The following FMN1 variants were observed in gnomAD, a reference collection of about 807,000 sequenced individuals.
FMN1 encodes formin-1.
In FMN1, 110 loss-of-function variants were observed where a neutral mutation model predicts 132.4. The ratio of observed to expected loss-of-function variants is 0.83; its 90% CI spans 0.71 to 0.97. The LOEUF (loss-of-function observed/expected upper bound fraction) is 0.97, where lower values mean the gene tolerates loss of function less well. FMN1 is among the 50% of genes least tolerant of loss of function. The pLI is 0.00. For missense variants in FMN1, 1,792 were observed against 1,705.3 expected (o/e 1.05, Z -0.90); for synonymous variants, 722 against 651.7 (o/e 1.11, Z -1.64).
At chr15:33,054,770 T>G (rs779105534) in intron 6 of FMN1, among the ~76,000 whole-genome samples, 67 of 152,030 alleles carry the variant, frequency 4.4e-4, no homozygotes, top group Non-Finnish European at 8.7e-4. Context: ...TTTCCAACAG[T>G]TTTTGGTGAA....
chr15:32,939,119 C>T (rs965900664), intron 9 of FMN1, among the ~76,000 whole-genome samples: 5 of 152,352 alleles, frequency 3.3e-5, no homozygotes, highest in African/African-American at 9.6e-5. Flanking sequence ...TATTGCAATA[C>T]TGTAAACCTT....
At chr15:32,798,663 GA>G in intron 19 of FMN1, 140 bp downstream of exon 19, 1 of 703,748 alleles carries the variant, frequency 1.4e-6, no homozygotes, top group Non-Finnish European at 2.2e-6. Context: ...TACGATCCCT[GA>G]GGCAAAAAGT....
At chr15:33,046,284 A>T (rs2036679962) in intron 6 of FMN1, among the ~76,000 whole-genome samples, 1 of 152,180 alleles carries the variant, frequency 6.6e-6, no homozygotes. Flanking sequence ...GCAAAATGTT[A>T]ATAAAGATAA....
At chr15:32,797,684 A>G (rs1205910574) in intron 19 of FMN1, among the ~76,000 whole-genome samples, 2 of 152,162 alleles carry the variant, frequency 1.3e-5, no homozygotes, top group African/African-American at 4.8e-5. Flanking sequence ...AGATGTGTTG[A>G]TAAACACATC....
chr15:33,093,420 C>T (rs755355551), intron 4 of FMN1, among the ~76,000 whole-genome samples: 15 of 152,200 alleles, frequency 9.9e-5, no homozygotes, highest in Non-Finnish European at 1.5e-4. Context: ...GAAAGTGACA[C>T]TGCTAAGTGC....
chr15:33,037,137 AAATT>A (rs2036227034), intron 6 of FMN1, among the ~76,000 whole-genome samples: 1 of 152,238 alleles, frequency 6.6e-6, no homozygotes, highest in Non-Finnish European at 1.5e-5. Flanking sequence ...CAAATAAAAT[AAATT>A]AACAGAACTC....
chr15:32,823,216 C>T (rs1316658396), intron 17 of FMN1, among the ~76,000 whole-genome samples: 1 of 130,906 alleles, frequency 7.6e-6, no homozygotes, highest in Non-Finnish European at 1.5e-5. Flanking sequence ...GGCTGGAGTG[C>T]AGTGGCTCAA....
At chr15:33,014,100 G>C (rs759825270) in intron 6 of FMN1, among the ~76,000 whole-genome samples, 19 of 152,326 alleles carry the variant, frequency 1.2e-4, no homozygotes, top group Non-Finnish European at 2.5e-4. Flanking sequence ...AAGGATGACA[G>C]AATCCCTGGG....
chr15:32,917,602 A>G (rs2060715648), intron 10 of FMN1, among the ~76,000 whole-genome samples: 1 of 152,198 alleles, frequency 6.6e-6, no homozygotes. Flanking sequence ...CTAGTTTTAC[A>G]GATGATGAAA....
chr15:32,884,367 C>A (rs561779810), intron 16 of FMN1, among the ~76,000 whole-genome samples: 2 of 152,232 alleles, frequency 1.3e-5, no homozygotes, highest in South Asian at 4.2e-4. Context: ...TCAAAGCCAG[C>A]GACATTACAT....
intron 3 of FMN1, among the ~76,000 whole-genome samples, chr15:33,161,684 T>C (rs1006398035): frequency 3.9e-5 from 6 of 152,078 alleles, no homozygotes; most frequent in Admixed American, 2.0e-4. Context: ...TTTGGGAGGC[T>C]GAGGCGGGCG....
In FMN1 at chr15:33,154,662, T is replaced by A. The variant is rs1263293268; in HGVS notation, c.253A>T (p.Thr85Ser). 1.3e-6 allele frequency: 2 copies of A among 1,536,014 alleles called. No homozygotes were observed. Among genetic ancestry groups the A allele is most frequent in the Non-Finnish European group, 1.7e-6 (2 of 1,146,920 alleles). ...TCTGTTGTGAGTTTGTACAGCTCAG[T>A]TAGAATGTCTTTCGTGGGAGTCTGC... The part of the protein sequence containing the change: ...FKQTPTKDIL[T>S]ELYKLTTERE... The change falls in exon 4 of 21, where the codon ACT (threonine) becomes TCT (serine). Residue 85 changes from threonine to serine, a missense_variant. Around this residue, in one of 3 missense-constraint regions of FMN1, gnomAD observed 638 missense variants for 645.2 expected, o/e 0.99. Transcript: ENST00000616417.
At chr15:32,962,543 G>C (rs1303260484) in intron 9 of FMN1, among the ~76,000 whole-genome samples, 1 of 150,960 alleles carries the variant, frequency 6.6e-6, no homozygotes, top group African/African-American at 2.5e-5. Flanking sequence ...ACTACCATTA[G>C]AGTGAACAGG....
At chr15:32,850,311 G>A (rs2058979909) in intron 17 of FMN1, among the ~76,000 whole-genome samples, 1 of 152,312 alleles carries the variant, frequency 6.6e-6, no homozygotes, top group South Asian at 2.1e-4. Context: ...AAGAGATTAT[G>A]TAATAACCTG....
rs770280947 is a variant in FMN1 at position 32,969,288 on chromosome 15, C to T, written c.2413G>A (p.Val805Ile). Residue 805 changes from valine (V) to isoleucine (I), a missense_variant, in exon 8 of 21, where the codon GTC becomes ATC. This residue lies in a region of FMN1 where 1,150 missense variants were observed against 1,043.1 expected (regional missense o/e 1.10). Transcript: ENST00000616417. ...AGGAAGGTCTCTCTGTCTGTCTGGA[C>T]GCACACATTTCTGAAGGTCTTTGGA... ...CPPKTFRNVC[V>I]QTDRETFLKP... 16 of 1,613,772 alleles carry T rather than the reference C, an allele frequency of 9.9e-6. No homozygotes were observed. The East Asian group carries it at 1.6e-4, about 16-fold the overall frequency.
chr15:32,978,174 T>G (rs957147629), intron 7 of FMN1, among the ~76,000 whole-genome samples: 26 of 152,052 alleles, frequency 1.7e-4, no homozygotes, highest in Admixed American at 1.6e-3. Flanking sequence ...TTTTGAAAGG[T>G]GATAGTTAAT....
chr15:33,106,842 A>C (rs148811861), intron 4 of FMN1, among the ~76,000 whole-genome samples: 12 of 152,166 alleles, frequency 7.9e-5, no homozygotes, highest in African/African-American at 2.9e-4. Context: ...GCACTGCTCT[A>C]AATGTTTCAG....
At chr15:32,922,088 A>T (rs1020672807) in intron 10 of FMN1, among the ~76,000 whole-genome samples, 1 of 152,178 alleles carries the variant, frequency 6.6e-6, no homozygotes, top group East Asian at 1.9e-4. Flanking sequence ...GTTATTTCAT[A>T]GCCAATTCTA....
intron 6 of FMN1, among the ~76,000 whole-genome samples, chr15:33,031,773 C>G (rs909908919): frequency 7.2e-5 from 11 of 152,190 alleles, no homozygotes; most frequent in African/African-American, 2.7e-4. Flanking sequence ...CCACTGACTG[C>G]ATTAGTTACT....
Sources: gnomAD v4.1 joint callset for allele counts (sites outside exome capture counted in the v4.1 genomes callset) on GRCh38, gnomAD v4.1.1 for gene constraint, gnomAD v4.1.1 regional missense constraint, MANE v1.5 for transcripts, NCBI Gene and HGNC (gene_info 2026-07-23, HGNC 2026-07-21) for gene names.